SH3KBP1: variants seen among roughly 807,000 people sequenced by gnomAD.
The protein encoded by SH3KBP1 is SH3 domain-containing kinase-binding protein 1.
SH3KBP1 carries 8 observed loss-of-function variants against 50.1 expected under a neutral mutation model. The ratio of observed to expected loss-of-function variants is 0.16; its 90% CI spans 0.09 to 0.29. SH3KBP1 has a LOEUF of 0.29. SH3KBP1 is among the 10% of genes least tolerant of loss of function. The probability of loss-of-function intolerance (pLI) is 1.00; values close to 1 mark genes in which losing one functional copy is unlikely to be tolerated. For synonymous variants in SH3KBP1, 227 were observed against 218.6 expected, an observed-to-expected ratio of 1.04 and a Z score of -0.34; for missense variants, 377 against 535.2, an observed-to-expected ratio of 0.70 and a Z score of 2.92.
chrX:19,605,045 A>T (rs2067201106), intron 9 of SH3KBP1, among the ~76,000 whole-genome samples: 1 of 111,271 alleles, frequency 9.0e-6, no homozygotes, highest in African/African-American at 3.3e-5. Flanking sequence ...TGCCATGCCC[A>T]GTCCACTCAT....
At chrX:19,745,861 T>A (rs868458527) in intron 3 of SH3KBP1, among the ~76,000 whole-genome samples, 7 of 112,777 alleles carry the variant, frequency 6.2e-5, no homozygotes, top group Non-Finnish European at 1.1e-4. Flanking sequence ...GTTAGCTATA[T>A]CTTTGCACAT....
At chrX:19,540,842 C>T (rs149260580) in intron 16 of SH3KBP1, among the ~76,000 whole-genome samples, 4 of 111,894 alleles carry the variant, frequency 3.6e-5, no homozygotes, top group Non-Finnish European at 7.5e-5. Context: ...TGAGATGCCT[C>T]CCTTGATTCT....
At chrX:19,721,996 T>C (rs1279312559) in intron 3 of SH3KBP1, among the ~76,000 whole-genome samples, 1 of 111,509 alleles carries the variant, frequency 9.0e-6, no homozygotes, top group Non-Finnish European at 1.9e-5. Flanking sequence ...AGCAAGAACC[T>C]ATCTTTAAAA....
chrX:19,773,079 A>T (rs2065839614), intron 2 of SH3KBP1, among the ~76,000 whole-genome samples: 1 of 111,148 alleles, frequency 9.0e-6, no homozygotes, highest in African/African-American at 3.3e-5. Context: ...ACAAGCATAG[A>T]GACTCACATA....
intron 5 of SH3KBP1, among the ~76,000 whole-genome samples, chrX:19,686,587 G>C (rs2063169603): frequency 9.0e-6 from 1 of 111,176 alleles, no homozygotes; most frequent in African/African-American, 3.3e-5. Context: ...CCAGGGCACA[G>C]AGCAATCTAG....
chrX:19,822,427 T>C (rs1044375500), intron 2 of SH3KBP1, among the ~76,000 whole-genome samples: 1 of 112,240 alleles, frequency 8.9e-6, no homozygotes, highest in Admixed American at 9.5e-5. Flanking sequence ...CACTGATTCT[T>C]TCCTCTGTCA....
intron 3 of SH3KBP1, among the ~76,000 whole-genome samples, chrX:19,713,827 T>G (rs2063835816): frequency 8.9e-6 from 1 of 112,081 alleles, no homozygotes; most frequent in African/African-American, 3.2e-5. Context: ...TAACTGTATG[T>G]TTGTATCCAG....
chrX:19,875,928 T>C (rs1252629731), intron 1 of SH3KBP1, among the ~76,000 whole-genome samples: 1 of 112,526 alleles, frequency 8.9e-6, no homozygotes, highest in African/African-American at 3.2e-5. Context: ...TTGGGTTGCA[T>C]GAGAGGTCCC....
chrX:19,601,887 G>A lies in SH3KBP1; in HGVS notation c.1005+6051C>T, dbSNP rs143117135. Among the ~76,000 whole-genome samples the A allele has an allele frequency of 2.5e-4, 28 of 111,227 alleles. No individual in the cohort carries two copies. The East Asian group carries it at 7.4e-3, about 29-fold the overall frequency. ...TGTCACCCGCACTGGAGATCCCCAG[G>A]GACCTAGGGAATCTGCTCTTGGAAG... On this transcript the variant is annotated intron_variant, in intron 9 of 17. Transcript: ENST00000397821.
chrX:19,595,443 G>C (rs889080872), intron 9 of SH3KBP1, among the ~76,000 whole-genome samples: 1 of 112,504 alleles, frequency 8.9e-6, no homozygotes, highest in African/African-American at 3.2e-5. Context: ...GCAGGCTGAG[G>C]GCCCACTGCA....
At chrX:19,880,305 G>A (rs1478656891) in intron 1 of SH3KBP1, among the ~76,000 whole-genome samples, 5 of 112,575 alleles carry the variant, frequency 4.4e-5, no homozygotes, top group African/African-American at 1.6e-4. Context: ...GTCCATAGTC[G>A]TGGAGAATTG....
At chrX:19,698,961 G>A (rs1355894391) in intron 4 of SH3KBP1, among the ~76,000 whole-genome samples, 2 of 111,921 alleles carry the variant, frequency 1.8e-5, no homozygotes, top group Non-Finnish European at 3.8e-5. Context: ...GGCCTAAAGA[G>A]CCCTGATTTC....
At chrX:19,778,933 C>A (rs1038339219) in intron 2 of SH3KBP1, among the ~76,000 whole-genome samples, 1 of 109,869 alleles carries the variant, frequency 9.1e-6, no homozygotes, top group Non-Finnish European at 1.9e-5. Context: ...CTTTTTGATG[C>A]CATTGTCATT....
At chrX:19,570,046 G>T (rs752815371) in intron 12 of SH3KBP1, among the ~76,000 whole-genome samples, 1 of 112,123 alleles carries the variant, frequency 8.9e-6, no homozygotes, top group South Asian at 3.7e-4. Context: ...CCATCTCACC[G>T]CCCCGAAGGC....
intron 17 of SH3KBP1, 136 bp downstream of exon 17, chrX:19,537,581 C>T (rs772216628): frequency 1.9e-6 from 1 of 538,332 alleles, no homozygotes; most frequent in Admixed American, 3.0e-5. Flanking sequence ...CCATACGATT[C>T]TAAGAAGATG....
At chrX:19,652,470 G>A (rs1291722152) in intron 6 of SH3KBP1, among the ~76,000 whole-genome samples, 3 of 110,751 alleles carry the variant, frequency 2.7e-5, no homozygotes, top group Admixed American at 9.6e-5. Context: ...TATCACCCAC[G>A]TATGCGTACA....
chrX:19,610,562 A>G (rs2067381320), intron 8 of SH3KBP1, among the ~76,000 whole-genome samples: 1 of 112,270 alleles, frequency 8.9e-6, no homozygotes, highest in South Asian at 3.7e-4. Context: ...TTCAATAAAC[A>G]TCTATTAAAT....
chrX:19,588,345 G>A (rs1360974758), intron 12 of SH3KBP1: 1 of 1,068,636 alleles, frequency 9.4e-7, no homozygotes, highest in African/African-American at 1.9e-5. Context: ...AGTTGGCCTT[G>A]CTTCTAATAA....
intron 4 of SH3KBP1, among the ~76,000 whole-genome samples, chrX:19,703,047 C>T (rs895501488): frequency 8.9e-6 from 1 of 111,754 alleles, no homozygotes; most frequent in Non-Finnish European, 1.9e-5. Flanking sequence ...GCTTTGCCAA[C>T]TCCACTATGC....
Sources: gnomAD v4.1 joint callset for allele counts (sites outside exome capture counted in the v4.1 genomes callset) on GRCh38, gnomAD v4.1.1 for gene constraint, MANE v1.5 for transcripts, NCBI Gene and HGNC (gene_info 2026-07-23, HGNC 2026-07-21) for gene names.